HMCN1: variants seen among roughly 807,000 people sequenced by gnomAD.
The protein encoded by HMCN1 is hemicentin 1, also known as hemicentin-1.
A neutral mutation model predicts 625.9 loss-of-function variants in HMCN1; 321 were observed. That is an observed-to-expected ratio of 0.51 (90% CI 0.47 to 0.56). The LOEUF (loss-of-function observed/expected upper bound fraction) is 0.56, where lower values mean the gene tolerates loss of function less well. HMCN1 is among the 20% of genes least tolerant of loss of function. The pLI, the probability that HMCN1 is intolerant of heterozygous loss-of-function variation, is 0.00. For missense variants in HMCN1, 6,588 were observed against 6,887.3 expected, an observed-to-expected ratio of 0.96 and a Z score of 1.54; for synonymous variants, 2,425 against 2,417.6, an observed-to-expected ratio of 1.00 and a Z score of -0.09.
At chr1:186,088,996 TC>T (rs1659688467) in intron 63 of HMCN1, among the ~76,000 whole-genome samples, 1 of 152,022 alleles carries the variant, frequency 6.6e-6, no homozygotes, top group Non-Finnish European at 1.5e-5. Context: ...ATTTTCCATT[TC>T]CACTTCCATT....
chr1:186,170,069 G>A (rs953357561), intron 100 of HMCN1, among the ~76,000 whole-genome samples: 1 of 151,614 alleles, frequency 6.6e-6, no homozygotes. Flanking sequence ...ATGAAAAAAA[G>A]CTCATCATCA....
intron 1 of HMCN1, among the ~76,000 whole-genome samples, chr1:185,773,167 G>C (rs996684447): frequency 6.6e-6 from 1 of 152,084 alleles, no homozygotes. Context: ...GGGACATTTG[G>C]CATTGGCTGG....
intron 4 of HMCN1, among the ~76,000 whole-genome samples, chr1:185,892,854 A>T (rs1022610506): frequency 6.6e-6 from 1 of 152,166 alleles, no homozygotes; most frequent in African/African-American, 2.4e-5. Flanking sequence ...TCGAGCTTCC[A>T]GGCTGCTTTG....
At chr1:185,965,501 C>T (rs1307287824) in intron 13 of HMCN1, among the ~76,000 whole-genome samples, 1 of 151,728 alleles carries the variant, frequency 6.6e-6, no homozygotes, top group African/African-American at 2.4e-5. Context: ...TGTTTCTTTC[C>T]TTGTATAACT....
chr1:185,787,441 T>G (rs6688298), intron 1 of HMCN1, among the ~76,000 whole-genome samples: 13,858 of 152,186 alleles, frequency 0.091, 2,034 homozygotes, highest in African/African-American at 0.31. Flanking sequence ...AGTGCCCAGA[T>G]ACGCCAGTTG....
At chr1:186,080,163 G>A (rs1422862117) in intron 55 of HMCN1, among the ~76,000 whole-genome samples, 1 of 152,122 alleles carries the variant, frequency 6.6e-6, no homozygotes, top group African/African-American at 2.4e-5. Context: ...CAATCACGTA[G>A]CTTTGAATGT....
chr1:185,797,695 G>T (rs958418954), intron 1 of HMCN1, among the ~76,000 whole-genome samples: 1 of 147,192 alleles, frequency 6.8e-6, no homozygotes, highest in Non-Finnish European at 1.5e-5. Flanking sequence ...GGCCGGGCGC[G>T]GTGGCTCACG....
rs1659960299 is a variant in HMCN1, at chr1:186,093,542, G to T, written c.10069G>T (p.Asp3357Tyr). 1 of 1,613,296 alleles carries T rather than the reference G, an allele frequency of 6.2e-7. No individual in the cohort carries two copies. Among genetic ancestry groups the T allele is most frequent in the Admixed American group, 1.7e-5 (1 of 59,876 alleles). The change falls in exon 66 of 107, where the codon GAT becomes TAT. Residue 3357 changes from aspartate (D) to tyrosine (Y), a missense_variant. Coordinates refer to ENST00000271588, the MANE Select transcript of HMCN1 (RefSeq NM_031935.3). Reference protein sequence around the residue: ...DEAEKLMTLVDTSINIECRAT... With the variant: ...DEAEKLMTLVYTSINIECRAT... The stretch of plus-strand genomic sequence containing the variant: ...AGCAGAGAAACTAATGACTTTAGTG[G>T]ATACTTCAATAAATATTGAATGCAG...
chr1:185,811,171 G>C (rs1424051632), intron 1 of HMCN1, among the ~76,000 whole-genome samples: 2 of 152,004 alleles, frequency 1.3e-5, no homozygotes, highest in Non-Finnish European at 2.9e-5. Flanking sequence ...TGAGAAAAAC[G>C]CTTGAAGAAA....
chr1:185,821,143 A>G (rs1660161460), intron 1 of HMCN1, among the ~76,000 whole-genome samples: 1 of 152,054 alleles, frequency 6.6e-6, no homozygotes, highest in Non-Finnish European at 1.5e-5. Context: ...TGGTTGAGAT[A>G]AGTCAATAAG....
intron 20 of HMCN1, 99 bp downstream of exon 20, chr1:185,987,643 G>A: frequency 2.4e-6 from 2 of 848,966 alleles, no homozygotes; most frequent in Non-Finnish European, 4.1e-6. Context: ...AGTGGGGCAT[G>A]GAAAGAAGAT....
intron 1 of HMCN1, among the ~76,000 whole-genome samples, chr1:185,784,765 A>C (rs1657442185): frequency 6.6e-6 from 1 of 152,152 alleles, no homozygotes; most frequent in Non-Finnish European, 1.5e-5. Context: ...AAAACTAATC[A>C]TGGTATCAAT....
chr1:186,115,684 T>C (rs1037711544), intron 75 of HMCN1, among the ~76,000 whole-genome samples: 1 of 152,180 alleles, frequency 6.6e-6, no homozygotes, highest in Non-Finnish European at 1.5e-5. Context: ...GTTTAGTACC[T>C]TTTGGACTTT....
intron 25 of HMCN1, among the ~76,000 whole-genome samples, chr1:185,998,286 C>T (rs868578884): frequency 3.9e-5 from 6 of 152,130 alleles, no homozygotes; most frequent in South Asian, 4.1e-4. Context: ...TTTGTGCCCC[C>T]ACATGTGCCT....
chr1:185,887,403 C>T (rs1404566692), intron 4 of HMCN1, among the ~76,000 whole-genome samples: 3 of 151,128 alleles, frequency 2.0e-5, no homozygotes, highest in Non-Finnish European at 4.4e-5. Context: ...GTGTGCTGCA[C>T]CCACTAACTC....
At chr1:185,923,805 C>T (rs925772332) in intron 8 of HMCN1, 152 bp downstream of exon 8, 14 of 691,736 alleles carry the variant, frequency 2.0e-5, no homozygotes, top group Non-Finnish European at 2.9e-5. Context: ...TACGGTAACA[C>T]AGTTTTTCTT....
rs1291461980 is a variant in HMCN1, at chr1:186,061,973, A to G, written c.7426+9A>G. ...TGGGCTTTCAGTATTAGGTACTTAT[A>G]TAGTTTGCAATATCTAGAAGAAACT... On this transcript the variant is annotated intron_variant, in intron 47 of 106. Coordinates refer to ENST00000271588, the MANE Select transcript of HMCN1 (RefSeq NM_031935.3). 6.7e-7 allele frequency: 1 copy of G among 1,503,522 alleles called. No individual in the cohort carries two copies. Among genetic ancestry groups the G allele is most frequent in the Admixed American group, 1.7e-5 (1 of 59,362 alleles). The allele number at this position is 1,503,522 out of a possible 1,614,324, so 93.1% of individuals were successfully genotyped here.
intron 42 of HMCN1, among the ~76,000 whole-genome samples, chr1:186,051,339 T>C (rs1341737042): frequency 6.6e-6 from 1 of 152,036 alleles, no homozygotes; most frequent in African/African-American, 2.4e-5. Context: ...AAAGGAGGGA[T>C]GTCTGTGTCT....
chr1:185,981,767 G>A (rs568464228), intron 17 of HMCN1, among the ~76,000 whole-genome samples: 7 of 151,996 alleles, frequency 4.6e-5, no homozygotes, highest in African/African-American at 1.7e-4. Context: ...TTAGAGAAGG[G>A]CATATTTACA....
Sources: allele counts gnomAD v4.1 joint callset (sites outside exome capture counted in the v4.1 genomes callset), GRCh38; gene constraint gnomAD v4.1.1; transcripts MANE v1.5; gene names NCBI Gene and HGNC (gene_info 2026-07-23, HGNC 2026-07-21).